The following CDH8 variants were observed in gnomAD, a reference collection of about 807,000 sequenced individuals.
CDH8 encodes the protein cadherin 8, also known as cadherin-8.
A neutral mutation model predicts 68.1 loss-of-function variants in CDH8; 17 were observed. The observed-to-expected ratio is 0.25, with a 90% CI of 0.17 to 0.37. The LOEUF (loss-of-function observed/expected upper bound fraction) is 0.37, where lower values mean the gene tolerates loss of function less well. Among genes scored for constraint, CDH8 ranks in the 10% least tolerant of loss-of-function variants. CDH8 has a pLI of 1.00. For synonymous variants in CDH8, 372 were observed against 365.1 expected, an observed-to-expected ratio of 1.02 and a Z score of -0.21; for missense variants, 763 against 999.3, an observed-to-expected ratio of 0.76 and a Z score of 3.19.
intron 4 of CDH8, among the ~76,000 whole-genome samples, chr16:61,841,544 G>A (rs1962683777): frequency 6.6e-6 from 1 of 152,184 alleles, no homozygotes; most frequent in East Asian, 1.9e-4. Flanking sequence ...TGGGGAGGGA[G>A]TGGGGATTGT....
intron 2 of CDH8, among the ~76,000 whole-genome samples, chr16:61,990,691 G>A (rs1471970514): frequency 6.6e-6 from 1 of 152,092 alleles, no homozygotes; most frequent in African/African-American, 2.4e-5. Flanking sequence ...CAGTGTGGCG[G>A]TGCACACCTG....
intron 7 of CDH8, among the ~76,000 whole-genome samples, chr16:61,796,125 T>C: frequency 6.6e-6 from 1 of 150,554 alleles, no homozygotes; most frequent in Non-Finnish European, 1.5e-5. Flanking sequence ...ACTAAAAATA[T>C]GAGGAAAGGG....
intron 2 of CDH8, among the ~76,000 whole-genome samples, chr16:61,973,111 T>C (rs1965371961): frequency 6.6e-6 from 1 of 152,106 alleles, no homozygotes. Context: ...CAATAAATGT[T>C]TCACCCACCG....
chr16:61,773,880 CAAGT>C (rs1298258677), intron 8 of CDH8, among the ~76,000 whole-genome samples: 2 of 151,942 alleles, frequency 1.3e-5, no homozygotes, highest in Non-Finnish European at 1.5e-5. Flanking sequence ...ATCAGCATTA[CAAGT>C]AAGTGAGTGG....
intron 8 of CDH8, 91 bp from the exon 9 acceptor site, chr16:61,727,306 C>T (rs1959403705): frequency 7.6e-7 from 1 of 1,310,000 alleles, no homozygotes; most frequent in African/African-American, 1.5e-5. Flanking sequence ...TGTCTGTTTC[C>T]AACTTCCCTT....
At chr16:61,898,622 T>C (rs1262812028) in intron 3 of CDH8, among the ~76,000 whole-genome samples, 1 of 152,180 alleles carries the variant, frequency 6.6e-6, no homozygotes, top group Non-Finnish European at 1.5e-5. Flanking sequence ...AGCACACTAT[T>C]TGGAAAATTA....
At chr16:61,788,181 T>C (rs1282788934) in intron 8 of CDH8, among the ~76,000 whole-genome samples, 1 of 152,064 alleles carries the variant, frequency 6.6e-6, no homozygotes, top group African/African-American at 2.4e-5. Context: ...GAGGACATTT[T>C]CCTCACATCA....
In CDH8 at chr16:61,715,525, T is replaced by C. The variant is rs75888500; in HGVS notation, c.1537-1567A>G. Among the ~76,000 whole-genome samples, 1,156 of 151,708 alleles carry C rather than the reference T, an allele frequency of 7.6e-3. 10 individuals are homozygous for C. Among genetic ancestry groups the C allele is most frequent in the African/African-American group, 0.026 (1,085 of 41,420 alleles). ...TTGACAGTTTCTGGTTTCTAGTCAA[T>C]GTTCAATAAAATTTTAGTCATCATA... On this transcript the variant is annotated intron_variant, in intron 9 of 11. Coordinates refer to ENST00000577390, the MANE Select transcript of CDH8 (RefSeq NM_001796.5).
At chr16:61,844,026 G>A (rs1025874798) in intron 4 of CDH8, among the ~76,000 whole-genome samples, 2 of 151,894 alleles carry the variant, frequency 1.3e-5, no homozygotes, top group Non-Finnish European at 2.9e-5. Context: ...GGAACCAACC[G>A]AAATGTCCAA....
chr16:61,987,976 G>A (rs16964141), intron 2 of CDH8, among the ~76,000 whole-genome samples: 6,101 of 152,010 alleles, frequency 0.04, 415 homozygotes, highest in African/African-American at 0.14. Context: ...CTGGTAAATC[G>A]CCCAAGCTTC....
intron 1 of CDH8, chr16:62,035,051 T>A (rs1902420505): frequency 6.6e-6 from 1 of 152,128 alleles, no homozygotes; most frequent in Non-Finnish European, 1.5e-5. Flanking sequence ...CTCTGGTGTT[T>A]GGGAGGAATA....
chr16:61,886,299 A>T (rs879518826), intron 3 of CDH8, among the ~76,000 whole-genome samples: 5 of 152,206 alleles, frequency 3.3e-5, no homozygotes, highest in South Asian at 2.1e-4. Flanking sequence ...ATAATAATAA[A>T]AAAAAACTGC....
intron 2 of CDH8, 86 bp from the exon 3 acceptor site, chr16:61,901,559 T>A (rs1326421150): frequency 1.1e-6 from 1 of 917,836 alleles, no homozygotes. Flanking sequence ...ATTAAGTTGG[T>A]TCTTTTTACA....
intron 4 of CDH8, among the ~76,000 whole-genome samples, chr16:61,840,362 G>A (rs1024485227): frequency 1.3e-5 from 2 of 152,082 alleles, no homozygotes; most frequent in African/African-American, 4.8e-5. Flanking sequence ...ATGTCTGTTG[G>A]CACTCCTACT....
intron 10 of CDH8, among the ~76,000 whole-genome samples, chr16:61,666,200 G>GTGTGTT (rs1555500947): frequency 4.7e-5 from 7 of 149,368 alleles, no homozygotes; most frequent in African/African-American, 1.7e-4. Context: ...GTGTGTGTGT[G>GTGTGTT]TGTGTGTATA....
At chr16:61,884,140 T>C (rs563086978) in intron 3 of CDH8, among the ~76,000 whole-genome samples, 2 of 152,234 alleles carry the variant, frequency 1.3e-5, no homozygotes, top group East Asian at 3.9e-4. Flanking sequence ...AGTTCCCACT[T>C]AGCTGCCTTG....
At chr16:61,657,215 T>A (rs1406372697) in intron 10 of CDH8, among the ~76,000 whole-genome samples, 1 of 152,088 alleles carries the variant, frequency 6.6e-6, no homozygotes, top group Non-Finnish European at 1.5e-5. Context: ...GATATCCCAT[T>A]CAGATGACTT....
intron 2 of CDH8, among the ~76,000 whole-genome samples, chr16:61,924,588 G>C (rs1360207694): frequency 6.6e-6 from 1 of 152,064 alleles, no homozygotes; most frequent in Non-Finnish European, 1.5e-5. Flanking sequence ...GAAGGTTAAA[G>C]AGCATCATAC....
rs534559372 is a variant in CDH8, at chr16:61,882,554, A to G, written c.547+18625T>C. Among the ~76,000 whole-genome samples, 11 of 152,358 alleles carry G rather than the reference A, an allele frequency of 7.2e-5. No homozygotes were observed. In the South Asian group the frequency reaches 2.3e-3, roughly 32 times the overall value. On this transcript the variant is annotated intron_variant, in intron 3 of 11. Transcript: ENST00000577390. Reference sequence around the variant, plus strand: ...TCTGCAGGTGCCACAAAAAAGAATGAGATCTTGTCCTTTGTAGAAACATGG... The same window carrying G: ...TCTGCAGGTGCCACAAAAAAGAATGGGATCTTGTCCTTTGTAGAAACATGG...
Sources: allele counts gnomAD v4.1 joint callset (sites outside exome capture counted in the v4.1 genomes callset), GRCh38; gene constraint gnomAD v4.1.1; transcripts MANE v1.5; gene names NCBI Gene and HGNC (gene_info 2026-07-23, HGNC 2026-07-21).